Variants in ACER1 observed in about 807,000 individuals in gnomAD.
ACER1 encodes the protein CTB-180A7.3.
A neutral mutation model predicts 24.9 loss-of-function variants in ACER1; 28 were observed. That is an observed-to-expected ratio of 1.13 (90% CI 0.83 to 1.54). ACER1 has a LOEUF of 1.54. ACER1 is among the 40% of genes most tolerant of loss of function. ACER1 has a pLI of 0.00. For missense variants in ACER1, 352 were observed against 349.3 expected, an observed-to-expected ratio of 1.01 and a Z score of -0.06; for synonymous variants, 132 against 131.4, an observed-to-expected ratio of 1.00 and a Z score of -0.03.
intron 1 of ACER1, 123 bp downstream of exon 1, chr19:6,333,336 T>C: frequency 4.2e-6 from 3 of 720,000 alleles, no homozygotes; most frequent in South Asian, 2.4e-5. Context: ...GGCTAACAGA[T>C]GAGAAAACTA....
At chr19:6,354,349 C>T in the ACER1 span, among the ~76,000 whole-genome samples, 3 of 151,816 alleles carry the variant, frequency 2.0e-5, no homozygotes, top group African/African-American at 7.3e-5. Context: ...TGGGGGTGCT[C>T]CTGTTATCGA....
the ACER1 span, among the ~76,000 whole-genome samples, chr19:6,339,953 C>T: frequency 5.3e-5 from 8 of 151,540 alleles, no homozygotes; most frequent in Admixed American, 2.6e-4. Flanking sequence ...GCGTGAGCCA[C>T]CACGCCTGGC....
At chr19:6,350,460 A>C in the ACER1 span, among the ~76,000 whole-genome samples, 1 of 151,972 alleles carries the variant, frequency 6.6e-6, no homozygotes, top group Non-Finnish European at 1.5e-5. Flanking sequence ...AATCCCAGGT[A>C]CTCGGGAGGC....
At chr19:6,342,884 T>C in the ACER1 span, among the ~76,000 whole-genome samples, 1 of 151,820 alleles carries the variant, frequency 6.6e-6, no homozygotes, top group East Asian at 2.0e-4. Context: ...ATCAAGTGAT[T>C]CTCCTGCCTC....
chr19:6,337,661 CTTTTTTTTTTTTTTTTTTT>C (rs1192304687), upstream of ACER1, among the ~76,000 whole-genome samples: 10 of 25,924 alleles, frequency 3.9e-4, no homozygotes, highest in Non-Finnish European at 6.1e-4. Context: ...TTCTTTCTTT[CTTTTTTTTTTTTTTTTTTT>C]TTTTTTTTTT....
chr19:6,333,396 T>TG, intron 1 of ACER1, 63 bp downstream of exon 1: 1 of 1,389,344 alleles, frequency 7.2e-7, no homozygotes, highest in South Asian at 1.3e-5. Context: ...TAAGGCTGTA[T>TG]GGGGAGGAAC....
the ACER1 span, among the ~76,000 whole-genome samples, chr19:6,345,894 TAA>T: frequency 6.6e-5 from 10 of 150,996 alleles, no homozygotes; most frequent in African/African-American, 1.7e-4. Flanking sequence ...ATAATAATAA[TAA>T]TAATTATTAT....
chr19:6,343,005 G>C, the ACER1 span, among the ~76,000 whole-genome samples: 3 of 152,156 alleles, frequency 2.0e-5, no homozygotes, highest in African/African-American at 7.2e-5. Flanking sequence ...TCGAACTCCC[G>C]ACCTCAGGTG....
chr19:6,359,858 C>T, the ACER1 span, among the ~76,000 whole-genome samples: 1 of 152,134 alleles, frequency 6.6e-6, no homozygotes, highest in Non-Finnish European at 1.5e-5. Context: ...GCCTCCAAAG[C>T]CCTCTACCTA....
the ACER1 span, among the ~76,000 whole-genome samples, chr19:6,356,442 T>G: frequency 1.3e-5 from 2 of 149,224 alleles, no homozygotes; most frequent in Admixed American, 1.3e-4. Context: ...AATCCCCCTC[T>G]GCGAGAAACA....
At chr19:6,324,033 C>T (rs2091646172) in intron 1 of ACER1, among the ~76,000 whole-genome samples, 4 of 151,976 alleles carry the variant, frequency 2.6e-5, no homozygotes, top group Admixed American at 2.6e-4. Context: ...CTCTGATCTC[C>T]TCATTTCTCT....
rs373822967 is a variant in ACER1 at position 6,312,623 on chromosome 19, C to G, written c.94-124G>C. 3.2e-4 allele frequency: 225 copies of G among 694,506 alleles called. 1 individual carries two copies. The African/African-American group carries it at 3.5e-3, about 11-fold the overall frequency. 43.0% of individuals were successfully genotyped at this position (694,506 alleles called of 1,614,324 possible). On this transcript the variant is annotated intron_variant, in intron 1 of 5. Coordinates refer to ENST00000301452, the MANE Select transcript of ACER1 (RefSeq NM_133492.3). Reference sequence around the variant, plus strand: ...TGCTGCATTTCAGGCAATGCATCAACCCAGGATTTGTCAATCACTCACCTG... The same window carrying G: ...TGCTGCATTTCAGGCAATGCATCAAGCCAGGATTTGTCAATCACTCACCTG...
intron 1 of ACER1, among the ~76,000 whole-genome samples, chr19:6,319,395 G>C (rs2091619412): frequency 6.6e-6 from 1 of 152,122 alleles, no homozygotes; most frequent in African/African-American, 2.4e-5. Flanking sequence ...GGAGACACCT[G>C]TCTGGGATCC....
the ACER1 span, among the ~76,000 whole-genome samples, chr19:6,347,622 C>T: frequency 2.0e-5 from 3 of 150,638 alleles, no homozygotes; most frequent in African/African-American, 4.9e-5. Context: ...GATTACCTGG[C>T]GTCAGGAGTT....
the ACER1 span, among the ~76,000 whole-genome samples, chr19:6,355,244 C>T: frequency 5.3e-5 from 8 of 152,060 alleles, no homozygotes; most frequent in East Asian, 1.4e-3. Flanking sequence ...CCGGCCGCCA[C>T]CCTGTCTGGG....
intron 1 of ACER1, among the ~76,000 whole-genome samples, chr19:6,323,600 T>C (rs989670672): frequency 1.3e-5 from 2 of 152,192 alleles, no homozygotes. Context: ...GTAAATTGCC[T>C]AGTCTCTTTT....
chr19:6,312,568 A>G, intron 1 of ACER1, 69 bp from the exon 2 acceptor site: 1 of 1,250,372 alleles, frequency 8.0e-7, no homozygotes, highest in South Asian at 1.2e-5. Flanking sequence ...CCCTCTGTCC[A>G]GACACTCAGT....
At chr19:6,315,279 C>T (rs1419078543) in intron 1 of ACER1, among the ~76,000 whole-genome samples, 2 of 152,004 alleles carry the variant, frequency 1.3e-5, no homozygotes, top group South Asian at 2.1e-4. Flanking sequence ...TCATGGGTCA[C>T]TGCAGCTTCG....
At chr19:6,353,572 T>A in the ACER1 span, 1 of 152,198 alleles carries the variant, frequency 6.6e-6, no homozygotes, top group African/African-American at 2.4e-5. Context: ...ACACCTGTAA[T>A]CCCAGCACTT....
Sources: allele counts gnomAD v4.1 joint callset (sites outside exome capture counted in the v4.1 genomes callset), GRCh38; gene constraint gnomAD v4.1.1; transcripts MANE v1.5; gene names NCBI Gene and HGNC (gene_info 2026-07-23, HGNC 2026-07-21).